The following ZNF521 variants were observed in gnomAD, a reference collection of about 807,000 sequenced individuals.
ZNF521 encodes the protein zinc finger protein 521, also known as LYST-interacting protein 3.
Under a neutral mutation model 105.5 loss-of-function variants are expected in ZNF521, and 14 were observed. That is an observed-to-expected ratio of 0.13 (90% CI 0.09 to 0.21). The LOEUF is 0.21. ZNF521 is among the 10% of genes least tolerant of loss of function. ZNF521 has a pLI of 1.00. For missense variants in ZNF521, 1,233 were observed against 1,629.7 expected, an observed-to-expected ratio of 0.76 and a Z score of 4.19; for synonymous variants, 635 against 606.0, an observed-to-expected ratio of 1.05 and a Z score of -0.70.
intron 5 of ZNF521, among the ~76,000 whole-genome samples, chr18:25,100,711 C>T (rs539658825): frequency 4.4e-4 from 67 of 151,778 alleles, no homozygotes; most frequent in African/African-American, 1.5e-3. Flanking sequence ...GCACAATAAA[C>T]GCAATAAGAT....
At chr18:25,081,553 G>C (rs1202408695) in intron 7 of ZNF521, among the ~76,000 whole-genome samples, 5 of 152,088 alleles carry the variant, frequency 3.3e-5, no homozygotes, top group Admixed American at 2.6e-4. Context: ...AAGCAGGAAG[G>C]GCCAAATTTA....
intron 5 of ZNF521, among the ~76,000 whole-genome samples, chr18:25,144,708 G>A (rs2034911042): frequency 6.6e-6 from 1 of 152,142 alleles, no homozygotes; most frequent in Non-Finnish European, 1.5e-5. Context: ...AACCAAGGCT[G>A]AAACACTTGA....
intron 5 of ZNF521, among the ~76,000 whole-genome samples, chr18:25,176,260 G>A (rs1052943906): frequency 6.6e-6 from 1 of 152,068 alleles, no homozygotes; most frequent in African/African-American, 2.4e-5. Flanking sequence ...GAACCCCAAC[G>A]CTCTAAATTT....
intron 3 of ZNF521, among the ~76,000 whole-genome samples, chr18:25,279,050 T>C (rs1376339216): frequency 6.6e-6 from 1 of 152,156 alleles, no homozygotes; most frequent in African/African-American, 2.4e-5. Context: ...TCAAATGAAA[T>C]ATACCATATG....
intron 3 of ZNF521, among the ~76,000 whole-genome samples, chr18:25,281,533 C>G (rs895750048): frequency 2.0e-5 from 3 of 152,204 alleles, no homozygotes; most frequent in African/African-American, 7.2e-5. Flanking sequence ...AACAATCAAT[C>G]ACAGCTAACA....
intron 3 of ZNF521, among the ~76,000 whole-genome samples, chr18:25,289,705 A>T (rs943968718): frequency 6.6e-6 from 1 of 152,202 alleles, no homozygotes; most frequent in African/African-American, 2.4e-5. Context: ...GGTCTTTATG[A>T]TGACTTCAGA....
chr18:25,083,754 T>TTGTG (rs1555632298), intron 7 of ZNF521, among the ~76,000 whole-genome samples: 1 of 148,298 alleles, frequency 6.7e-6, no homozygotes, highest in Non-Finnish European at 1.5e-5. Flanking sequence ...CATATATATA[T>TTGTG]TTTGTTTGTT....
chr18:25,334,601 T>A (rs1180567485), intron 2 of ZNF521, among the ~76,000 whole-genome samples: 1 of 152,164 alleles, frequency 6.6e-6, no homozygotes, highest in Non-Finnish European at 1.5e-5. Flanking sequence ...TGAACTCAAC[T>A]CTCCTCCAGC....
rs577805864 is a variant in ZNF521 at position 25,343,776 on chromosome 18, T to C, written c.40+7131A>G. 3.9e-5 allele frequency among the ~76,000 whole-genome samples: 6 copies of C among 152,302 alleles called. No individual in the cohort carries two copies. The East Asian group carries it at 9.6e-4, about 24-fold the overall frequency. On this transcript the variant is annotated intron_variant, in intron 2 of 7. Coordinates refer to ENST00000361524, the MANE Select transcript of ZNF521 (RefSeq NM_015461.3). ...ATTTTTCAAAGCATTTACTATCCCA[T>C]AGAATTAAAAGAGATGCTGCCCCAA...
chr18:25,115,135 C>G (rs1204306488), intron 5 of ZNF521, among the ~76,000 whole-genome samples: 1 of 152,152 alleles, frequency 6.6e-6, no homozygotes, highest in Non-Finnish European at 1.5e-5. Context: ...AATCTATAGT[C>G]TGGGATTCTC....
intron 5 of ZNF521, among the ~76,000 whole-genome samples, chr18:25,152,308 G>T (rs183987564): frequency 6.6e-6 from 1 of 151,738 alleles, no homozygotes; most frequent in Non-Finnish European, 1.5e-5. Flanking sequence ...GCAAAACCCC[G>T]TCTCTACTAA....
At chr18:25,310,627 G>A (rs929284633) in intron 3 of ZNF521, among the ~76,000 whole-genome samples, 15 of 151,982 alleles carry the variant, frequency 9.9e-5, no homozygotes, top group Non-Finnish European at 1.9e-4. Flanking sequence ...GTGTTTAATA[G>A]AGGACATATA....
chr18:25,212,660 TA>T (rs2036213773), intron 4 of ZNF521, among the ~76,000 whole-genome samples: 2 of 148,916 alleles, frequency 1.3e-5, no homozygotes, highest in African/African-American at 4.9e-5. Flanking sequence ...AGACTTACAG[TA>T]TTGAGTCTTC....
chr18:25,131,999 T>C (rs1248412983), intron 5 of ZNF521, among the ~76,000 whole-genome samples: 1 of 151,982 alleles, frequency 6.6e-6, no homozygotes, highest in African/African-American at 2.4e-5. Flanking sequence ...AAAGAAAGGA[T>C]TTTTTAAAAG....
intron 2 of ZNF521, among the ~76,000 whole-genome samples, chr18:25,332,462 A>G (rs781624611): frequency 2.0e-5 from 3 of 152,048 alleles, no homozygotes; most frequent in Non-Finnish European, 4.4e-5. Flanking sequence ...AGTTGGTCTA[A>G]TAAATTTTAA....
At chr18:25,179,821 G>A (rs1233955319) in intron 5 of ZNF521, among the ~76,000 whole-genome samples, 2 of 152,076 alleles carry the variant, frequency 1.3e-5, no homozygotes, top group Non-Finnish European at 2.9e-5. Context: ...AGAGACTGAC[G>A]GTGGGTACAT....
intron 3 of ZNF521, among the ~76,000 whole-genome samples, chr18:25,275,184 A>C (rs1909951145): frequency 6.6e-6 from 1 of 152,154 alleles, no homozygotes; most frequent in Non-Finnish European, 1.5e-5. Flanking sequence ...CTGCGATAAA[A>C]CTTGCAAAAA....
At chr18:25,122,107 G>A (rs999501822) in intron 5 of ZNF521, among the ~76,000 whole-genome samples, 1 of 152,002 alleles carries the variant, frequency 6.6e-6, no homozygotes, top group African/African-American at 2.4e-5. Context: ...TGTTCAATAG[G>A]GACATGAAAG....
rs999122662 is a variant in ZNF521 at position 25,267,647 on chromosome 18, C to A, written c.221-39950G>T. On this transcript the variant is annotated intron_variant, in intron 3 of 7. Transcript: ENST00000361524. ...ATACCCCGGCAAACAGGGTCTGGAGCGGACCTATAGCAAACACCAGAAGAG... is the reference window on the plus strand; with the variant it reads ...ATACCCCGGCAAACAGGGTCTGGAGAGGACCTATAGCAAACACCAGAAGAG... Among the ~76,000 whole-genome samples, 3 of 152,106 alleles carry A rather than the reference C, an allele frequency of 2.0e-5. No individual in the cohort carries two copies. In the East Asian group the frequency reaches 5.8e-4, roughly 29 times the overall value.
Sources: allele counts gnomAD v4.1 joint callset (sites outside exome capture counted in the v4.1 genomes callset), GRCh38; gene constraint gnomAD v4.1.1; transcripts MANE v1.5; gene names NCBI Gene and HGNC (gene_info 2026-07-23, HGNC 2026-07-21).